The following DPYD variants were observed in gnomAD, a reference collection of about 807,000 sequenced individuals.
DPYD encodes the protein dihydropyrimidine dehydrogenase, also known as dihydropyrimidine dehydrogenase [NADP(+)].
Under a neutral mutation model 116.2 loss-of-function variants are expected in DPYD, and 109 were observed. That is an observed-to-expected ratio of 0.94 (90% confidence interval 0.80 to 1.10). The LOEUF (loss-of-function observed/expected upper bound fraction) is 1.10, where lower values mean the gene tolerates loss of function less well. Among genes scored for constraint, DPYD ranks in the 50% least tolerant of loss-of-function variants. DPYD has a pLI of 0.00. For synonymous variants in DPYD, 440 were observed against 432.0 expected (o/e 1.02, Z -0.23); for missense variants, 1,302 against 1,254.5 (o/e 1.04, Z -0.57).
chr1:97,255,727 G>A lies in DPYD; in HGVS notation c.2300-20733C>T, dbSNP rs1356231040. Among the ~76,000 whole-genome samples, 3 of 151,492 alleles carry A rather than the reference G, an allele frequency of 2.0e-5. No individual in the cohort carries two copies. The East Asian group carries it at 5.8e-4, about 29-fold the overall frequency. On this transcript the variant is annotated intron_variant, in intron 18 of 22. Coordinates refer to ENST00000370192, the MANE Select transcript of DPYD (RefSeq NM_000110.4). ...TTTGCCGTTTTTTTTTTTCAGATGGGAAAACAAATCTAGAGTGGCTGAGTA... is the reference window on the plus strand; with the variant it reads ...TTTGCCGTTTTTTTTTTTCAGATGGAAAAACAAATCTAGAGTGGCTGAGTA...
chr1:97,205,305 C>T (rs1031455192), intron 19 of DPYD, among the ~76,000 whole-genome samples: 4 of 151,896 alleles, frequency 2.6e-5, no homozygotes, highest in African/African-American at 9.7e-5. Context: ...CTATGCTGTA[C>T]GTATTCATCC....
intron 14 of DPYD, among the ~76,000 whole-genome samples, chr1:97,386,831 A>G (rs1056702166): frequency 2.0e-5 from 3 of 151,926 alleles, no homozygotes; most frequent in Non-Finnish European, 4.4e-5. Context: ...AGCAATTTTT[A>G]AAAGAGTCAG....
At chr1:97,491,179 G>A (rs1286875229) in intron 13 of DPYD, among the ~76,000 whole-genome samples, 3 of 146,544 alleles carry the variant, frequency 2.0e-5, no homozygotes, top group Non-Finnish European at 4.5e-5. Context: ...ATTATTCGTA[G>A]TATATTATAT....
intron 12 of DPYD, among the ~76,000 whole-genome samples, chr1:97,525,978 A>AGTGT (rs71071658): frequency 0.023 from 3,237 of 138,152 alleles, 95 homozygotes; most frequent in East Asian, 0.12. Flanking sequence ...GGTAATTAAG[A>AGTGT]GTGTGTGTGT....
chr1:97,735,726 AT>A (rs1368525063), intron 4 of DPYD, among the ~76,000 whole-genome samples: 2 of 144,070 alleles, frequency 1.4e-5, no homozygotes, highest in Non-Finnish European at 3.2e-5. Flanking sequence ...AAATAAATAA[AT>A]AAAACAATAA....
chr1:97,283,359 T>C (rs955298002), intron 18 of DPYD, among the ~76,000 whole-genome samples: 1 of 152,064 alleles, frequency 6.6e-6, no homozygotes, highest in Non-Finnish European at 1.5e-5. Context: ...CCAGAAAACA[T>C]TGTCTTAGTT....
chr1:97,441,366 C>T (rs2101761681), intron 14 of DPYD, among the ~76,000 whole-genome samples: 1 of 152,128 alleles, frequency 6.6e-6, no homozygotes, highest in South Asian at 2.1e-4. Flanking sequence ...CACCAGCTCC[C>T]TGATGGTATG....
chr1:97,412,197 A>T (rs1397308606), intron 14 of DPYD, among the ~76,000 whole-genome samples: 2 of 152,194 alleles, frequency 1.3e-5, no homozygotes, highest in Non-Finnish European at 2.9e-5. Context: ...TTGCAGTTGT[A>T]GTCCAAAGCA....
At chr1:97,358,787 A>T (rs1234596813) in intron 16 of DPYD, among the ~76,000 whole-genome samples, 2 of 152,144 alleles carry the variant, frequency 1.3e-5, no homozygotes, top group Non-Finnish European at 2.9e-5. Context: ...GGACATCTAC[A>T]CCAAAACCCT....
chr1:97,594,974 G>A, intron 9 of DPYD, 85 bp downstream of exon 9: 1 of 954,668 alleles, frequency 1.0e-6, no homozygotes. Context: ...GCTGAACAAT[G>A]TGCTGCTGAG....
intron 16 of DPYD, among the ~76,000 whole-genome samples, chr1:97,337,625 C>T (rs1448336776): frequency 6.7e-6 from 1 of 149,488 alleles, no homozygotes; most frequent in East Asian, 2.0e-4. Flanking sequence ...ACTACCAGGG[C>T]TAAGTTGAAG....
intron 14 of DPYD, among the ~76,000 whole-genome samples, chr1:97,399,354 G>A (rs1198604919): frequency 6.6e-6 from 1 of 152,150 alleles, no homozygotes; most frequent in Non-Finnish European, 1.5e-5. Flanking sequence ...CTGTAGCCTA[G>A]TAGTATAGTT....
rs545297546 is a variant in DPYD at position 97,264,132 on chromosome 1, G to A, written c.2300-29138C>T. Among the ~76,000 whole-genome samples, 139 of 138,756 alleles carry A rather than the reference G, an allele frequency of 1.0e-3. 1 individual carries two copies. The highest frequency in any genetic ancestry group is 2.3e-4 in the Admixed American group (3 of 13,226). The allele number at this position is 138,756 out of a possible 152,430, so 91.0% of individuals were successfully genotyped here. A position where few individuals can be genotyped will look rare whatever the true frequency, so the allele number is the denominator to read the frequency against. On this transcript the variant is annotated intron_variant, in intron 18 of 22. Coordinates refer to ENST00000370192, the MANE Select transcript of DPYD (RefSeq NM_000110.4). ...TGGTTACCTACAGATAGCTATGACT[G>A]CCAATTCTGAATCTTAATAGCAAAA...
At chr1:97,364,019 T>C (rs1243072825) in intron 16 of DPYD, among the ~76,000 whole-genome samples, 1 of 152,234 alleles carries the variant, frequency 6.6e-6, no homozygotes, top group East Asian at 1.9e-4. Context: ...ATTCTTTTTA[T>C]GGCTGAGTAG....
chr1:97,163,579 G>A (rs895966233), intron 20 of DPYD, among the ~76,000 whole-genome samples: 5 of 152,120 alleles, frequency 3.3e-5, no homozygotes, highest in African/African-American at 9.7e-5. Flanking sequence ...AGTGCTGGCA[G>A]GTTTGGTATT....
At chr1:97,355,312 T>C (rs975890353) in intron 16 of DPYD, among the ~76,000 whole-genome samples, 69 of 152,270 alleles carry the variant, frequency 4.5e-4, no homozygotes, top group Non-Finnish European at 2.5e-4. Flanking sequence ...CCAAGTGATG[T>C]TACAATTTAT....
At chr1:97,435,120 T>C (rs1365826292) in intron 14 of DPYD, among the ~76,000 whole-genome samples, 1 of 152,020 alleles carries the variant, frequency 6.6e-6, no homozygotes. Context: ...ATATCTCTTT[T>C]TTTCTTCTTC....
intron 1 of DPYD, among the ~76,000 whole-genome samples, chr1:97,908,632 C>A (rs1034018950): frequency 6.6e-6 from 1 of 152,020 alleles, no homozygotes; most frequent in Non-Finnish European, 1.5e-5. Context: ...GCCACCATCA[C>A]CCTTGGTTAT....
At chr1:97,870,545 T>G (rs552781422) in intron 2 of DPYD, among the ~76,000 whole-genome samples, 1 of 151,934 alleles carries the variant, frequency 6.6e-6, no homozygotes, top group South Asian at 2.1e-4. Flanking sequence ...TCCCTGATAT[T>G]CAAAGTAGTA....
Sources: gnomAD v4.1 joint callset for allele counts (sites outside exome capture counted in the v4.1 genomes callset) on GRCh38, gnomAD v4.1.1 for gene constraint, MANE v1.5 for transcripts, NCBI Gene and HGNC (gene_info 2026-07-23, HGNC 2026-07-21) for gene names.